KCNN1: variants seen among roughly 807,000 people sequenced by gnomAD.
KCNN1 encodes small conductance calcium-activated potassium channel protein 1.
A neutral mutation model predicts 44.7 loss-of-function variants in KCNN1; 20 were observed. The ratio of observed to expected loss-of-function variants is 0.45; its 90% CI spans 0.32 to 0.65. KCNN1 has a LOEUF of 0.65. KCNN1 is among the 30% of genes least tolerant of loss of function. KCNN1 has a pLI of 0.05. For synonymous variants in KCNN1, 324 were observed against 341.7 expected (o/e 0.95, Z 0.57); for missense variants, 632 against 785.3 (o/e 0.80, Z 2.33).
chr19:17,968,816 T>C lies in KCNN1; in HGVS notation c.-82+1499T>C, dbSNP rs143437640. Among the ~76,000 whole-genome samples the C allele has an allele frequency of 1.1e-3, 169 of 152,154 alleles. 1 individual carries two copies. The highest frequency in any genetic ancestry group is 3.9e-3 in the African/African-American group (160 of 41,514). On this transcript the variant is annotated intron_variant, in intron 1 of 9. Coordinates refer to ENST00000684775, the MANE Select transcript of KCNN1 (RefSeq NM_001386974.1). ...TCATGACCAGACAGAGTAGTAAAAG[T>C]AAGGCAATATCAAAGACCTTCCAAC... is the stretch of plus-strand genomic sequence containing the variant.
Position 17,974,100 on chromosome 19 carries a change from A to C in KCNN1, c.212A>C (p.Asp71Ala). 6.2e-7 allele frequency: 1 copy of C among 1,612,276 alleles called. No individual in the cohort carries two copies. Among genetic ancestry groups the C allele is most frequent in the African/African-American group, 1.3e-5 (1 of 75,030 alleles). ...GQPQDQDDDE[D>A]DEEDEAGRQR... ...CCCCAGGACCAGGACGATGACGAGG[A>C]TGATGAGGAAGATGAGGCCGGCAGG... Residue 71 changes from aspartate to alanine, a missense_variant, in exon 2 of 10, where the codon GAT becomes GCT. This residue lies in a region of KCNN1 where 235 missense variants were observed against 224.0 expected (regional missense o/e 1.05). Coordinates refer to ENST00000684775, the MANE Select transcript of KCNN1 (RefSeq NM_001386974.1). This position sits in a 1 kb window ranked among gnomAD's most constrained non-coding sequence, Gnocchi z 7.3.
At chr19:17,963,586 G>A (rs2031733532), upstream of KCNN1, among the ~76,000 whole-genome samples, 1 of 152,146 alleles carries the variant, frequency 6.6e-6, no homozygotes, top group South Asian at 2.1e-4. Context: ...GAAGTGCTGA[G>A]ATTATAGGCA....
chr19:17,969,386 C>T lies in KCNN1; in HGVS notation c.-82+2069C>T, dbSNP rs571548103. ...GTCTGTAAAATGGGAACGGGAATGCCACCTTGCTCACCGGTGGTGATAGGG... is the reference window on the plus strand; with the variant it reads ...GTCTGTAAAATGGGAACGGGAATGCTACCTTGCTCACCGGTGGTGATAGGG... On this transcript the variant is annotated intron_variant, in intron 1 of 9. Coordinates refer to ENST00000684775, the MANE Select transcript of KCNN1 (RefSeq NM_001386974.1). Among the ~76,000 whole-genome samples, 19 of 152,284 alleles carry T rather than the reference C, an allele frequency of 1.2e-4. No homozygotes were observed. In the South Asian group the frequency reaches 3.9e-3, roughly 32 times the overall value.
Position 17,998,440 on chromosome 19 carries a change from G to A in KCNN1, c.*34G>A. The A allele has an allele frequency of 6.9e-7, 1 of 1,454,996 alleles. No individual in the cohort carries two copies. Among genetic ancestry groups the A allele is most frequent in the Non-Finnish European group, 9.0e-7 (1 of 1,110,150 alleles). The allele number at this position is 1,454,996 out of a possible 1,614,324, so 90.1% of individuals were successfully genotyped here. A position where few individuals can be genotyped will look rare whatever the true frequency, so the allele number is the denominator to read the frequency against. On this transcript the variant is annotated 3_prime_UTR_variant, in exon 10 of 10. Transcript: ENST00000684775. This position sits in a 1 kb window ranked among gnomAD's most constrained non-coding sequence, Gnocchi z 5.4. ...CCCGCCACCAGACCCCTAAATCTTG[G>A]CCATCGTGTGGCCGCCACCTCCGGG...
Position 17,988,443 on chromosome 19 carries a change from C to T in KCNN1, c.1088C>T (p.Ala363Val). ...MGAGCTALVV[A>V]VVARKLELTK... ...GCTGGCTGTACCGCGCTCGTGGTGG[C>T]TGTGGTGGCTCGGAAGCTGGAGCTC... Residue 363 changes from alanine to valine, a missense_variant, in exon 6 of 10, where the codon GCT becomes GTT. Around this residue, in one of 3 missense-constraint regions of KCNN1, gnomAD observed 160 missense variants for 308.3 expected, o/e 0.52. Transcript: ENST00000684775. 1 of 1,613,086 alleles carries T rather than the reference C, an allele frequency of 6.2e-7. No individual in the cohort carries two copies.
At chr19:17,961,199 A>AAAC (rs2031669074) in intron 2 of KCNN1, among the ~76,000 whole-genome samples, 1 of 149,202 alleles carries the variant, frequency 6.7e-6, no homozygotes, top group African/African-American at 2.5e-5. Context: ...AAAAAAAAAA[A>AAAC]AAAAAAACCC....
intron 2 of KCNN1, among the ~76,000 whole-genome samples, chr19:17,961,698 C>A (rs1260751354): frequency 2.0e-5 from 3 of 151,704 alleles, no homozygotes; most frequent in Non-Finnish European, 4.4e-5. Context: ...TCTCCTGCCT[C>A]AGCACCCCCT....
chr19:17,959,820 C>T (rs752710737), intron 2 of KCNN1, among the ~76,000 whole-genome samples: 63 of 152,118 alleles, frequency 4.1e-4, no homozygotes, highest in Non-Finnish European at 7.2e-4. Flanking sequence ...CGCGGTGGCT[C>T]AGGCCTATAA....
Position 17,973,953 on chromosome 19 carries a change from G to A in KCNN1, c.65G>A (p.Gly22Glu), listed in dbSNP as rs1233111160. 1.3e-6 allele frequency: 2 copies of A among 1,561,016 alleles called. No homozygotes were observed. The highest frequency in any genetic ancestry group is 2.4e-5 in the East Asian group (1 of 41,858). Residue 22 changes from glycine to glutamate, a missense_variant, in exon 2 of 10, where the codon GGA (glycine) becomes GAA (glutamate). Physicochemically the swap from Gly to Glu is moderately conservative, Grantham distance 98. Transcript: ENST00000684775. The stretch of plus-strand genomic sequence containing the variant: ...CTGGGCAGCGGGCCGGGCGCCCTGG[G>A]ACGAGACCCTCCGGACCCTGAGGCC... ...RPLGSGPGALGRDPPDPEAGH... is the reference protein window; with the variant it reads ...RPLGSGPGALERDPPDPEAGH...
intron 6 of KCNN1, 134 bp from the exon 7 acceptor site, chr19:17,989,582 C>A: frequency 8.0e-7 from 1 of 1,257,624 alleles, no homozygotes; most frequent in Non-Finnish European, 1.1e-6. Context: ...ACAAGCATGG[C>A]CCTGCCTTAT....
At position 17,977,260 on chromosome 19, in the gene KCNN1, G is replaced by T. The variant is rs2032237169; in HGVS notation, c.498+2073G>T. Among the ~76,000 whole-genome samples the T allele has an allele frequency of 4.6e-5, 7 of 152,006 alleles. No homozygotes were observed. The South Asian group carries it at 1.4e-3, about 31-fold the overall frequency. ...GAGGATCACATGATGTTCTCCCTTT[G>T]AGAGTGTCTGTGTCCAAATTTCCCC... On this transcript the variant is annotated intron_variant, in intron 3 of 9. Coordinates refer to ENST00000684775, the MANE Select transcript of KCNN1 (RefSeq NM_001386974.1).
chr19:17,989,648 C>G, intron 6 of KCNN1, 68 bp from the exon 7 acceptor site: 1 of 1,607,366 alleles, frequency 6.2e-7, no homozygotes, highest in South Asian at 1.1e-5. Context: ...CTGGAAGATT[C>G]TAGACATTTC....
At position 17,998,310 on chromosome 19, in the gene KCNN1, T is replaced by G; in HGVS notation, c.1536T>G (p.Pro512=). 7.0e-7 allele frequency: 1 copy of G among 1,420,366 alleles called. No individual in the cohort carries two copies. Among genetic ancestry groups the G allele is most frequent in the Non-Finnish European group, 9.3e-7 (1 of 1,073,906 alleles). The allele number at this position is 1,420,366 out of a possible 1,614,324, so 88.0% of individuals were successfully genotyped here. ...LIAQAIRPPP[P]PLPPRPGPGP... ...CCCAAGCCATACGCCCACCCCCGCCTCCCCTGCCTCCCAGGCCCGGCCCCG... is the reference window on the plus strand; with the variant it reads ...CCCAAGCCATACGCCCACCCCCGCCGCCCCTGCCTCCCAGGCCCGGCCCCG... Residue 512 remains proline, a synonymous_variant, in exon 10 of 10, where the codon CCT becomes CCG. Transcript: ENST00000684775. This position sits in a 1 kb window ranked among gnomAD's most constrained non-coding sequence, Gnocchi z 5.4.
chr19:17,980,733 C>T (rs2097975140), intron 3 of KCNN1, among the ~76,000 whole-genome samples: 2 of 150,772 alleles, frequency 1.3e-5, no homozygotes, highest in South Asian at 4.2e-4. Context: ...GAGACCCCAT[C>T]TCTACAGGAA....
chr19:17,953,689 C>T (rs769815040), intron 1 of KCNN1, among the ~76,000 whole-genome samples: 8 of 152,180 alleles, frequency 5.3e-5, no homozygotes, highest in Non-Finnish European at 7.3e-5. Context: ...CAACTGTAAT[C>T]CCAACACTTT....
Position 17,956,987 on chromosome 19 carries a change from G to C in KCNN1, c.-82+2306G>C, listed in dbSNP as rs2031557251. On this transcript the variant is annotated intron_variant, in intron 2 of 10. Transcript: ENST00000222249. ...GAATCGCTTGAACCAGGGAGTTGGA[G>C]GTTGCAGTGAGCCGAAATTGCAGCA... Among the ~76,000 whole-genome samples the C allele has an allele frequency of 2.0e-5, 3 of 151,436 alleles. No homozygotes were observed. In the Admixed American group the frequency reaches 2.0e-4, roughly 10 times the overall value.
rs2032858333 is a variant in KCNN1 at position 17,993,197 on chromosome 19, T to C, written c.1307+135T>C. The C allele has an allele frequency of 9.1e-7, 1 of 1,094,694 alleles. No individual in the cohort carries two copies. Among genetic ancestry groups the C allele is most frequent in the South Asian group, 1.4e-5 (1 of 72,680 alleles). The allele number at this position is 1,094,694 out of a possible 1,614,324, so 67.8% of individuals were successfully genotyped here. A position where few individuals can be genotyped will look rare whatever the true frequency, so the allele number is the denominator to read the frequency against. ...GGTTCACATCTGCCCCATGGATCCG[T>C]GCAGGCTTCACCTTGGTCTGGGATC... On this transcript the variant is annotated intron_variant, in intron 8 of 9. Coordinates refer to ENST00000684775, the MANE Select transcript of KCNN1 (RefSeq NM_001386974.1). The surrounding 1 kb of genome is among the most constrained non-coding windows in gnomAD (Gnocchi z 4.5).
At position 17,975,166 on chromosome 19, in the gene KCNN1, C is replaced by A; in HGVS notation, c.477C>A (p.Leu159=). 2.5e-6 allele frequency: 4 copies of A among 1,613,938 alleles called. No individual in the cohort carries two copies. The highest frequency in any genetic ancestry group is 3.4e-6 in the Non-Finnish European group (4 of 1,179,822). ...STAILLGLVV[L]YHAREIQLFM... ...CCATCCTGCTGGGTCTCGTTGTCCTCTACCATGCCCGGGAGATCCAGGTCA... is the reference window on the plus strand; with the variant it reads ...CCATCCTGCTGGGTCTCGTTGTCCTATACCATGCCCGGGAGATCCAGGTCA... The change falls in exon 3 of 10, where the codon CTC becomes CTA. Residue 159 remains leucine, a synonymous_variant. Coordinates refer to ENST00000684775, the MANE Select transcript of KCNN1 (RefSeq NM_001386974.1).
In KCNN1 at chr19:17,973,847, C is replaced by A. The variant is rs753442127; in HGVS notation, c.-42C>A. The A allele has an allele frequency of 1.9e-6, 3 of 1,540,246 alleles. No individual in the cohort carries two copies. Among genetic ancestry groups the A allele is most frequent in the African/African-American group, 2.7e-5 (2 of 72,840 alleles). On this transcript the variant is annotated 5_prime_UTR_variant, in exon 2 of 10. Transcript: ENST00000684775. ...CCAGCCGCTGAGCCATGCCGGGCCCCGGGCGGCCTGCAGCGAGCCCAACCC... is the reference window on the plus strand; with the variant it reads ...CCAGCCGCTGAGCCATGCCGGGCCCAGGGCGGCCTGCAGCGAGCCCAACCC...
Sources: gnomAD v4.1 joint callset for allele counts (sites outside exome capture counted in the v4.1 genomes callset) on GRCh38, gnomAD v4.1.1 for gene constraint, gnomAD v4.1.1 regional missense constraint, Gnocchi (gnomAD v3.1) non-coding constraint, MANE v1.5 for transcripts, NCBI Gene and HGNC (gene_info 2026-07-23, HGNC 2026-07-21) for gene names.